The following CHST11 variants were observed in gnomAD, a reference collection of about 807,000 sequenced individuals.
The protein encoded by CHST11 is C4S-1.
In CHST11, 9 loss-of-function variants were observed where a neutral mutation model predicts 30.4. The ratio of observed to expected loss-of-function variants is 0.30; its 90% CI spans 0.18 to 0.52. CHST11 has a LOEUF of 0.52. CHST11 is among the 20% of genes least tolerant of loss of function. The probability of loss-of-function intolerance (pLI) is 0.97; values close to 1 mark genes in which losing one functional copy is unlikely to be tolerated. For synonymous variants in CHST11, 152 were observed against 187.8 expected, an observed-to-expected ratio of 0.81 and a Z score of 1.56; for missense variants, 348 against 460.6, an observed-to-expected ratio of 0.76 and a Z score of 2.24.
At chr12:104,651,753 G>A (rs976600542) in intron 2 of CHST11, among the ~76,000 whole-genome samples, 11 of 152,184 alleles carry the variant, frequency 7.2e-5, no homozygotes, top group East Asian at 1.9e-4. Context: ...CTCTTTGCGC[G>A]TAATTGTAAA....
chr12:104,544,477 C>T (rs996648164), intron 1 of CHST11, among the ~76,000 whole-genome samples: 9 of 151,848 alleles, frequency 5.9e-5, no homozygotes, highest in African/African-American at 1.2e-4. Flanking sequence ...AGCACTTTGG[C>T]GGGGGGATCA....
At chr12:104,506,700 A>G (rs1315022646) in intron 1 of CHST11, among the ~76,000 whole-genome samples, 1 of 152,204 alleles carries the variant, frequency 6.6e-6, no homozygotes. Flanking sequence ...GAAACTTCGC[A>G]GGAAATGTTC....
intron 2 of CHST11, among the ~76,000 whole-genome samples, chr12:104,733,583 C>T (rs2040273962): frequency 6.6e-6 from 1 of 152,236 alleles, no homozygotes; most frequent in South Asian, 2.1e-4. Context: ...GTTGGTACTT[C>T]CATTAGGTGG....
At chr12:104,744,965 C>G (rs182609066) in intron 2 of CHST11, among the ~76,000 whole-genome samples, 1 of 152,104 alleles carries the variant, frequency 6.6e-6, no homozygotes, top group Non-Finnish European at 1.5e-5. Context: ...CCTCCGCCTC[C>G]CAGGTTCAAG....
chr12:104,685,219 A>C (rs1289504019), intron 2 of CHST11, among the ~76,000 whole-genome samples: 2 of 152,238 alleles, frequency 1.3e-5, no homozygotes, highest in African/African-American at 4.8e-5. Context: ...GCCTAAAAAA[A>C]TCTTAATATA....
intron 2 of CHST11, among the ~76,000 whole-genome samples, chr12:104,703,922 G>T (rs925311476): frequency 2.0e-5 from 3 of 152,196 alleles, no homozygotes; most frequent in African/African-American, 7.2e-5. Context: ...CATGTGAGGG[G>T]CATTTAGAAC....
intron 1 of CHST11, among the ~76,000 whole-genome samples, chr12:104,599,516 A>G (rs2038938664): frequency 6.6e-6 from 1 of 152,242 alleles, no homozygotes; most frequent in Non-Finnish European, 1.5e-5. Context: ...ACTTGCGTGC[A>G]TTTCACAGTT....
intron 1 of CHST11, among the ~76,000 whole-genome samples, chr12:104,470,300 C>G (rs998744528): frequency 9.2e-5 from 14 of 152,116 alleles, no homozygotes; most frequent in Admixed American, 9.2e-4. Flanking sequence ...GCTGGGGAGG[C>G]CTCAGGAAAC....
chr12:104,684,552 G>C (rs2039828674), intron 2 of CHST11, among the ~76,000 whole-genome samples: 1 of 152,162 alleles, frequency 6.6e-6, no homozygotes, highest in Non-Finnish European at 1.5e-5. Flanking sequence ...GTTTGGTTTG[G>C]TTTGGTTTTG....
chr12:104,753,865 C>G (rs563759247), intron 2 of CHST11, among the ~76,000 whole-genome samples: 22 of 152,310 alleles, frequency 1.4e-4, no homozygotes, highest in African/African-American at 5.1e-4. Context: ...GAGTACACAC[C>G]TTATAGTCCT....
chr12:104,670,804 C>T (rs536065978), intron 2 of CHST11, among the ~76,000 whole-genome samples: 94 of 151,418 alleles, frequency 6.2e-4, no homozygotes, highest in Non-Finnish European at 7.7e-4. Flanking sequence ...ACACACCCCA[C>T]ATAAACACAC....
intron 1 of CHST11, among the ~76,000 whole-genome samples, chr12:104,532,449 G>C (rs1440482709): frequency 6.6e-6 from 1 of 152,008 alleles, no homozygotes; most frequent in Non-Finnish European, 1.5e-5. Context: ...ATATTTATGA[G>C]TTTATTACAA....
chr12:104,486,203 T>G (rs1357130450), intron 1 of CHST11, among the ~76,000 whole-genome samples: 1 of 152,202 alleles, frequency 6.6e-6, no homozygotes, highest in Non-Finnish European at 1.5e-5. Flanking sequence ...AGGGAAAATA[T>G]GATCATTAGT....
At chr12:104,604,309 C>T (rs2038983268) in intron 2 of CHST11, among the ~76,000 whole-genome samples, 1 of 152,168 alleles carries the variant, frequency 6.6e-6, no homozygotes, top group South Asian at 2.1e-4. Flanking sequence ...GTGGATGAGT[C>T]ACCATCCTCC....
intron 2 of CHST11, among the ~76,000 whole-genome samples, chr12:104,678,447 G>A (rs766310590): frequency 3.9e-5 from 6 of 152,138 alleles, no homozygotes; most frequent in Non-Finnish European, 5.9e-5. Flanking sequence ...AACATGCTGC[G>A]CTTATTATGG....
intron 2 of CHST11, among the ~76,000 whole-genome samples, chr12:104,629,138 T>C (rs756750055): frequency 2.6e-5 from 4 of 152,240 alleles, no homozygotes; most frequent in Non-Finnish European, 4.4e-5. Flanking sequence ...GCTGCCTGCA[T>C]TTGTATTCCA....
intron 2 of CHST11, among the ~76,000 whole-genome samples, chr12:104,635,979 A>ATG (rs1233258696): frequency 1.3e-5 from 2 of 152,244 alleles, no homozygotes; most frequent in African/African-American, 4.8e-5. Context: ...GGGCTGCTGG[A>ATG]TGCAGTACAA....
chr12:104,724,686 G>A (rs985817722), intron 2 of CHST11, among the ~76,000 whole-genome samples: 2 of 151,966 alleles, frequency 1.3e-5, no homozygotes, highest in African/African-American at 4.8e-5. Flanking sequence ...AGTTGCTGGA[G>A]GACTCCCTTA....
intron 2 of CHST11, among the ~76,000 whole-genome samples, chr12:104,714,399 T>C (rs2040112298): frequency 6.6e-6 from 1 of 152,222 alleles, no homozygotes; most frequent in Non-Finnish European, 1.5e-5. Flanking sequence ...TTGGTCAGTT[T>C]CACTGTCTGC....
Sources: allele counts gnomAD v4.1 joint callset (sites outside exome capture counted in the v4.1 genomes callset), GRCh38; gene constraint gnomAD v4.1.1; transcripts MANE v1.5; gene names NCBI Gene and HGNC (gene_info 2026-07-23, HGNC 2026-07-21).